BBX: variants seen among roughly 807,000 people sequenced by gnomAD.
The protein encoded by BBX is BBX high mobility group box domain containing, also known as HMG box transcription factor BBX.
In BBX, 30 loss-of-function variants were observed where a neutral mutation model predicts 100.2. The observed-to-expected ratio is 0.30, with a 90% CI of 0.22 to 0.41. The LOEUF is 0.41. BBX is among the 10% of genes least tolerant of loss of function. The pLI is 1.00. For missense variants in BBX, 1,023 were observed against 1,129.8 expected, an observed-to-expected ratio of 0.91 and a Z score of 1.35; for synonymous variants, 376 against 388.1, an observed-to-expected ratio of 0.97 and a Z score of 0.37.
At chr3:107,726,433 C>A (rs960113087) in intron 5 of BBX, among the ~76,000 whole-genome samples, 1 of 148,618 alleles carries the variant, frequency 6.7e-6, no homozygotes, top group Non-Finnish European at 1.5e-5. Context: ...TTCTCTATCT[C>A]TCACGTTCTT....
intron 9 of BBX, among the ~76,000 whole-genome samples, chr3:107,748,447 C>A (rs1424672233): frequency 2.6e-5 from 4 of 152,186 alleles, no homozygotes; most frequent in African/African-American, 9.6e-5. Context: ...GTGGTGAATA[C>A]GACCTGTTAA....
chr3:107,757,091 A>G (rs1341262832), intron 10 of BBX, among the ~76,000 whole-genome samples: 2 of 152,150 alleles, frequency 1.3e-5, no homozygotes, highest in East Asian at 1.9e-4. Flanking sequence ...TTGCATGTGT[A>G]TGTATGTGGG....
chr3:107,540,747 G>A (rs1478222932), intron 2 of BBX, among the ~76,000 whole-genome samples: 6 of 152,234 alleles, frequency 3.9e-5, no homozygotes, highest in African/African-American at 1.4e-4. Flanking sequence ...CATATATGCT[G>A]CTATCCTGTT....
chr3:107,626,454 G>C (rs2056181106), intron 2 of BBX, among the ~76,000 whole-genome samples: 3 of 152,118 alleles, frequency 2.0e-5, no homozygotes, highest in African/African-American at 7.2e-5. Flanking sequence ...CAGGAATTTA[G>C]GAGTCACTTA....
At chr3:107,613,702 G>T (rs1032918251) in intron 2 of BBX, among the ~76,000 whole-genome samples, 1 of 151,914 alleles carries the variant, frequency 6.6e-6, no homozygotes, top group African/African-American at 2.4e-5. Context: ...GCTTTTTGTT[G>T]TAGAATTTTA....
At chr3:107,699,581 G>A (rs1222881944) in intron 3 of BBX, among the ~76,000 whole-genome samples, 2 of 151,952 alleles carry the variant, frequency 1.3e-5, no homozygotes, top group Non-Finnish European at 2.9e-5. Context: ...AACCAACCTT[G>A]TGGGGCTGGA....
rs2067036783 is a variant in BBX, at chr3:107,773,114, G to A, written c.1393G>A (p.Asp465Asn). The A allele has an allele frequency of 6.2e-7, 1 of 1,613,918 alleles. No individual in the cohort carries two copies. Among genetic ancestry groups the A allele is most frequent in the Non-Finnish European group, 8.5e-7 (1 of 1,179,974 alleles). ...AAGCAAAATGGATCGACATGGAAAT[G>A]ATAAATCCACACCCAAGAAGACTTG... ...KKSKMDRHGN[D>N]KSTPKKTCKK... Residue 465 changes from aspartate (D) to asparagine (N), a missense_variant, in exon 11 of 18, where the codon GAT (aspartate) becomes AAT (asparagine). Transcript: ENST00000325805. The surrounding 1 kb of genome is among the most constrained non-coding windows in gnomAD (Gnocchi z 4.1).
chr3:107,698,296 T>C (rs1331830728), intron 3 of BBX, among the ~76,000 whole-genome samples: 3 of 151,732 alleles, frequency 2.0e-5, no homozygotes, highest in Non-Finnish European at 4.4e-5. Context: ...CTTTTACCAT[T>C]TTAGATGAAA....
At chr3:107,803,763 T>C (rs1387689597) in intron 17 of BBX, among the ~76,000 whole-genome samples, 1 of 152,148 alleles carries the variant, frequency 6.6e-6, no homozygotes, top group African/African-American at 2.4e-5. Context: ...GCTTCAGTCA[T>C]GTCAGAGAAA....
chr3:107,630,777 T>C (rs2056497516), intron 2 of BBX, among the ~76,000 whole-genome samples: 1 of 152,110 alleles, frequency 6.6e-6, no homozygotes, highest in African/African-American at 2.4e-5. Context: ...TACTTGAGGA[T>C]TAGCTTGCCC....
chr3:107,625,767 A>G (rs1285140631), intron 2 of BBX, among the ~76,000 whole-genome samples: 2 of 152,206 alleles, frequency 1.3e-5, no homozygotes, highest in Non-Finnish European at 2.9e-5. Flanking sequence ...GCCTTCATCT[A>G]GGTCCCCTGT....
intron 2 of BBX, among the ~76,000 whole-genome samples, chr3:107,567,718 GT>G (rs2051029020): frequency 1.3e-5 from 2 of 151,976 alleles, no homozygotes; most frequent in Admixed American, 1.3e-4. Context: ...GCCTGTTTAT[GT>G]TTATTTTGAC....
chr3:107,583,185 A>G (rs610358), intron 2 of BBX, among the ~76,000 whole-genome samples: 15,024 of 151,924 alleles, frequency 0.099, 861 homozygotes, highest in Non-Finnish European at 0.12. Flanking sequence ...GGCTATACAG[A>G]GGACCTTCAG....
chr3:107,740,235 C>T (rs1219640244), intron 7 of BBX, among the ~76,000 whole-genome samples: 4 of 151,956 alleles, frequency 2.6e-5, no homozygotes, highest in East Asian at 1.9e-4. Context: ...TCCTCTACCC[C>T]AAAACCATCT....
chr3:107,730,489 T>C (rs2063242663), intron 6 of BBX, among the ~76,000 whole-genome samples: 1 of 129,242 alleles, frequency 7.7e-6, no homozygotes, highest in Non-Finnish European at 1.6e-5. Context: ...GTTGTTGTTG[T>C]TGGCTTTTTT....
chr3:107,730,509 A>G (rs940719858), intron 6 of BBX, among the ~76,000 whole-genome samples: 1 of 142,766 alleles, frequency 7.0e-6, no homozygotes, highest in Non-Finnish European at 1.5e-5. Context: ...TTTTTTTTGC[A>G]TACATCTGCT....
chr3:107,563,968 C>G (rs2050694582), intron 2 of BBX, among the ~76,000 whole-genome samples: 1 of 152,284 alleles, frequency 6.6e-6, no homozygotes, highest in Middle Eastern at 3.4e-3. Flanking sequence ...TCTTCAAAAT[C>G]CTTTCAGTGC....
At chr3:107,800,936 G>A (rs1194152774) in intron 16 of BBX, among the ~76,000 whole-genome samples, 159 bp from the exon 17 acceptor site, 1 of 152,196 alleles carries the variant, frequency 6.6e-6, no homozygotes. Context: ...TGTTACTGAG[G>A]AGAAGAGATT....
At position 107,568,651 on chromosome 3, in the gene BBX, A is replaced by C. The variant is rs148609127; in HGVS notation, c.-84+42253A>C. On this transcript the variant is annotated intron_variant, in intron 2 of 17. Transcript: ENST00000325805. Reference sequence around the variant, plus strand: ...CAGATGGAAGGTAGATCTGTCCTCTATGTCTCCTAACTTTTCTTTTTTTAA... The same window carrying C: ...CAGATGGAAGGTAGATCTGTCCTCTCTGTCTCCTAACTTTTCTTTTTTTAA... Among the ~76,000 whole-genome samples the C allele has an allele frequency of 1.9e-4, 29 of 152,048 alleles. 2 individuals carry two copies. In the East Asian group the frequency reaches 4.3e-3, roughly 22 times the overall value.
Sources: gnomAD v4.1 joint callset for allele counts (sites outside exome capture counted in the v4.1 genomes callset) on GRCh38, gnomAD v4.1.1 for gene constraint, Gnocchi (gnomAD v3.1) non-coding constraint, MANE v1.5 for transcripts, NCBI Gene and HGNC (gene_info 2026-07-23, HGNC 2026-07-21) for gene names.